The following GRM7 variants were observed in gnomAD, a reference collection of about 807,000 sequenced individuals.
GRM7 encodes metabotropic glutamate receptor 7.
Under a neutral mutation model 84.5 loss-of-function variants are expected in GRM7, and 35 were observed. The observed-to-expected ratio is 0.41, with a 90% CI of 0.32 to 0.55. The LOEUF (loss-of-function observed/expected upper bound fraction) is 0.55, where lower values mean the gene tolerates loss of function less well. GRM7 is among the 20% of genes least tolerant of loss of function. The pLI, the probability that GRM7 is intolerant of heterozygous loss-of-function variation, is 0.19. For synonymous variants in GRM7, 487 were observed against 455.1 expected (o/e 1.07, Z -0.89); for missense variants, 1,003 against 1,194.6 (o/e 0.84, Z 2.36).
At chr3:7,525,888 T>C (rs1700786192) in intron 7 of GRM7, among the ~76,000 whole-genome samples, 1 of 152,164 alleles carries the variant, frequency 6.6e-6, no homozygotes, top group African/African-American at 2.4e-5. Context: ...GAAATGATTT[T>C]GTTCTTTTTT....
chr3:7,018,556 C>A (rs531419766), intron 1 of GRM7, among the ~76,000 whole-genome samples: 1 of 152,224 alleles, frequency 6.6e-6, no homozygotes, highest in Non-Finnish European at 1.5e-5. Context: ...GCAAGTCCCA[C>A]GGGGGTCCCT....
chr3:7,651,549 G>C (rs1433692058), intron 8 of GRM7, among the ~76,000 whole-genome samples: 1 of 152,208 alleles, frequency 6.6e-6, no homozygotes, highest in African/African-American at 2.4e-5. Context: ...AAGAAGGGGA[G>C]AGCTATTTAC....
chr3:7,090,338 T>C (rs1224544858), intron 1 of GRM7, among the ~76,000 whole-genome samples: 2 of 151,726 alleles, frequency 1.3e-5, no homozygotes, highest in Non-Finnish European at 2.9e-5. Flanking sequence ...TTTCTGGAGA[T>C]AGAGACCTAT....
At chr3:7,385,331 C>T (rs974925757) in intron 4 of GRM7, among the ~76,000 whole-genome samples, 8 of 118,890 alleles carry the variant, frequency 6.7e-5, no homozygotes, top group Non-Finnish European at 1.1e-4. Flanking sequence ...GACAGAGTCT[C>T]GCTCTGTCGC....
Position 7,292,433 on chromosome 3 carries a change from A to C in GRM7, c.737-6251A>C, listed in dbSNP as rs1699664411. ...TAAAGTATTGAAAGATGAAAACCTC[A>C]GTACTACTCTGCCATTCAAGTTGTG... On this transcript the variant is annotated intron_variant, in intron 2 of 9. Transcript: ENST00000357716. Among the ~76,000 whole-genome samples the C allele has an allele frequency of 3.3e-5, 5 of 152,158 alleles. No homozygotes were observed. In the South Asian group the frequency reaches 1.0e-3, roughly 32 times the overall value.
At chr3:7,479,376 A>G (rs1699043264) in intron 7 of GRM7, among the ~76,000 whole-genome samples, 1 of 151,872 alleles carries the variant, frequency 6.6e-6, no homozygotes, top group Non-Finnish European at 1.5e-5. Context: ...CTTATACCTA[A>G]CAATAGCAAG....
chr3:7,582,623 C>T (rs1201358425), intron 8 of GRM7, among the ~76,000 whole-genome samples: 1 of 151,852 alleles, frequency 6.6e-6, no homozygotes, highest in Non-Finnish European at 1.5e-5. Flanking sequence ...TAAAATGGCA[C>T]CCACAGGCCA....
intron 4 of GRM7, among the ~76,000 whole-genome samples, chr3:7,413,889 C>G (rs17047288): frequency 0.041 from 6,282 of 152,162 alleles, 436 homozygotes; most frequent in African/African-American, 0.14. Flanking sequence ...GAGCTGGACT[C>G]TGTATTCTTT....
At chr3:7,512,684 A>T (rs1224467482) in intron 7 of GRM7, among the ~76,000 whole-genome samples, 1 of 151,718 alleles carries the variant, frequency 6.6e-6, no homozygotes, top group African/African-American at 2.4e-5. Context: ...TCAAGCTATG[A>T]AATAAAGTCA....
chr3:7,404,752 T>G (rs1375922), intron 4 of GRM7, among the ~76,000 whole-genome samples: 53,282 of 151,692 alleles, frequency 0.35, 10,474 homozygotes, highest in Non-Finnish European at 0.46. Flanking sequence ...TTGGTCCAGT[T>G]GGAGATCATA....
At chr3:7,668,414 T>C (rs765658776) in intron 8 of GRM7, among the ~76,000 whole-genome samples, 50 of 152,246 alleles carry the variant, frequency 3.3e-4, no homozygotes, top group Non-Finnish European at 5.6e-4. Context: ...TAACTAGCTA[T>C]GCTTCCTGGA....
chr3:7,265,359 C>G (rs1217728511), intron 2 of GRM7, among the ~76,000 whole-genome samples: 1 of 152,176 alleles, frequency 6.6e-6, no homozygotes, highest in African/African-American at 2.4e-5. Context: ...TTTCTAAGAA[C>G]TTTATTCATT....
rs769049008 is a variant in GRM7 at position 7,740,345 on chromosome 3, T to G, written c.2699-12T>G. 2 of 1,563,466 alleles carry G rather than the reference T, an allele frequency of 1.3e-6. No homozygotes were observed. The highest frequency in any genetic ancestry group is 2.7e-5 in the African/African-American group (2 of 73,316). On this transcript the variant is annotated splice_polypyrimidine_tract_variant and intron_variant, in intron 9 of 9. Transcript: ENST00000357716. Reference sequence around the variant, plus strand: ...TATTACTGCAACTGACACTTTCTAATTTTTCTTTCAGGCCCTGCTGCAAAA... The same window carrying G: ...TATTACTGCAACTGACACTTTCTAAGTTTTCTTTCAGGCCCTGCTGCAAAA...
chr3:7,184,480 C>T (rs1695448781), intron 2 of GRM7, among the ~76,000 whole-genome samples: 1 of 152,008 alleles, frequency 6.6e-6, no homozygotes, highest in Admixed American at 6.6e-5. Flanking sequence ...AATTGTTCCA[C>T]TGCTTAATGA....
At chr3:7,248,902 A>T (rs372192011) in intron 2 of GRM7, among the ~76,000 whole-genome samples, 1 of 152,284 alleles carries the variant, frequency 6.6e-6, no homozygotes, top group East Asian at 1.9e-4. Flanking sequence ...CACTTTTATC[A>T]TCACTCATAC....
chr3:7,270,205 C>T (rs1293619200), intron 2 of GRM7, among the ~76,000 whole-genome samples: 4 of 152,196 alleles, frequency 2.6e-5, no homozygotes, highest in Non-Finnish European at 4.4e-5. Flanking sequence ...TGAAGCACGT[C>T]TGTGTTCTCT....
At position 7,452,701 on chromosome 3, in the gene GRM7, C is replaced by A. The variant is rs1173028683; in HGVS notation, c.1269C>A (p.His423Gln). Residue 423 changes from histidine to glutamine, a missense_variant, in exon 6 of 10, where the codon CAC (histidine) becomes CAA (glutamine). Physicochemically the swap from His to Gln is conservative, Grantham distance 24. This residue lies in a region of GRM7 where 910 missense variants were observed against 1,126.0 expected (regional missense o/e 0.81). Transcript: ENST00000357716. ...TCTATGCTATGGCTCACGCCCTTCA[C>A]CACATGAACAAGGATCTCTGTGCTG... ...DAVYAMAHAL[H>Q]HMNKDLCADY... 1 of 1,612,716 alleles carries A rather than the reference C, an allele frequency of 6.2e-7. No homozygotes were observed. The highest frequency in any genetic ancestry group is 1.7e-5 in the Admixed American group (1 of 59,894).
intron 4 of GRM7, among the ~76,000 whole-genome samples, chr3:7,393,308 C>T (rs1359050626): frequency 6.6e-6 from 1 of 152,162 alleles, no homozygotes; most frequent in Non-Finnish European, 1.5e-5. Flanking sequence ...TGTGTGGGTT[C>T]CCTTTCTGGA....
At chr3:7,275,250 A>G (rs11923409) in intron 2 of GRM7, among the ~76,000 whole-genome samples, 7,131 of 152,252 alleles carry the variant, frequency 0.047, 574 homozygotes, top group African/African-American at 0.16. Context: ...ACGTGCTTCA[A>G]TAATTCCAAC....
Sources: allele counts gnomAD v4.1 joint callset (sites outside exome capture counted in the v4.1 genomes callset), GRCh38; gene constraint gnomAD v4.1.1; regional missense constraint gnomAD v4.1.1; transcripts MANE v1.5; gene names NCBI Gene and HGNC (gene_info 2026-07-23, HGNC 2026-07-21).